Variants in RAPGEF5 observed in about 807,000 individuals in gnomAD.
RAPGEF5 encodes the protein M-Ras-regulated GEF.
Under a neutral mutation model 125.2 loss-of-function variants are expected in RAPGEF5, and 65 were observed. The ratio of observed to expected loss-of-function variants is 0.52; its 90% CI spans 0.43 to 0.64. The LOEUF (loss-of-function observed/expected upper bound fraction) is 0.64, where lower values mean the gene tolerates loss of function less well. Ranked by LOEUF, RAPGEF5 falls within the 30% of genes least tolerant of loss-of-function variation. RAPGEF5 has a pLI of 0.00. For synonymous variants in RAPGEF5, 391 were observed against 385.9 expected (o/e 1.01, Z -0.16); for missense variants, 958 against 1,048.1 (o/e 0.91, Z 1.19).
At chr7:22,229,388 C>A (rs1176703028) in intron 8 of RAPGEF5, among the ~76,000 whole-genome samples, 2 of 152,156 alleles carry the variant, frequency 1.3e-5, no homozygotes, top group African/African-American at 4.8e-5. Context: ...CATATTTCAT[C>A]ATCTATGCGG....
chr7:22,273,305 G>A (rs1314010915), intron 6 of RAPGEF5, among the ~76,000 whole-genome samples: 2 of 133,954 alleles, frequency 1.5e-5, no homozygotes, highest in South Asian at 2.6e-4. Context: ...TGCAAGCTCC[G>A]CCTCCCGGGT....
At chr7:22,317,927 T>C (rs772453030) in intron 2 of RAPGEF5, 60 bp downstream of exon 2, 3 of 1,540,654 alleles carry the variant, frequency 1.9e-6, no homozygotes, top group East Asian at 2.4e-5. Flanking sequence ...TTGATAATTG[T>C]ACATCAGAAT....
intron 11 of RAPGEF5, among the ~76,000 whole-genome samples, chr7:22,168,331 C>T (rs1443963490): frequency 6.6e-6 from 1 of 152,188 alleles, no homozygotes; most frequent in Non-Finnish European, 1.5e-5. Context: ...GAGACTGTGG[C>T]CTATGAACCA....
intron 18 of RAPGEF5, among the ~76,000 whole-genome samples, chr7:22,147,950 G>A (rs1031476853): frequency 6.6e-6 from 1 of 152,156 alleles, no homozygotes; most frequent in Admixed American, 6.5e-5. Flanking sequence ...GTTTTACATT[G>A]ATGAAAACGT....
At chr7:22,288,982 G>C (rs565452743) in intron 6 of RAPGEF5, among the ~76,000 whole-genome samples, 2 of 151,904 alleles carry the variant, frequency 1.3e-5, no homozygotes, top group Non-Finnish European at 2.9e-5. Flanking sequence ...TTTTTTCATT[G>C]TACTTTCTCA....
chr7:22,263,495 A>T (rs1782206956), intron 7 of RAPGEF5, among the ~76,000 whole-genome samples: 1 of 152,116 alleles, frequency 6.6e-6, no homozygotes, highest in Non-Finnish European at 1.5e-5. Context: ...TTTGGGAGAC[A>T]GAGACGGGTG....
chr7:22,345,480 G>A (rs1003646382), intron 1 of RAPGEF5, among the ~76,000 whole-genome samples: 5 of 152,022 alleles, frequency 3.3e-5, no homozygotes, highest in East Asian at 1.9e-4. Flanking sequence ...CGGTGAGGCC[G>A]CAGCATATAG....
chr7:22,213,846 G>A (rs1396576187), intron 9 of RAPGEF5, among the ~76,000 whole-genome samples: 1 of 152,128 alleles, frequency 6.6e-6, no homozygotes, highest in Non-Finnish European at 1.5e-5. Context: ...TTCAAATAAT[G>A]CTGGGATTGC....
At chr7:22,221,600 T>C (rs1369875959) in intron 8 of RAPGEF5, among the ~76,000 whole-genome samples, 1 of 152,202 alleles carries the variant, frequency 6.6e-6, no homozygotes, top group African/African-American at 2.4e-5. Context: ...TTTCCGGTGC[T>C]ATTCTCGTAG....
intron 2 of RAPGEF5, among the ~76,000 whole-genome samples, chr7:22,316,238 G>A (rs1423142283): frequency 2.6e-5 from 4 of 151,618 alleles, no homozygotes; most frequent in Non-Finnish European, 5.9e-5. Flanking sequence ...AGCAAAGGGG[G>A]CTAAATGAAA....
At chr7:22,345,798 A>G (rs4337997) in intron 1 of RAPGEF5, among the ~76,000 whole-genome samples, 25,616 of 151,104 alleles carry the variant, frequency 0.17, 2,369 homozygotes, top group Non-Finnish European at 0.21. Context: ...ACCTGGTAAG[A>G]TCTCTGACAG....
intron 1 of RAPGEF5, among the ~76,000 whole-genome samples, chr7:22,341,296 C>A (rs1253614048): frequency 2.0e-5 from 3 of 152,156 alleles, no homozygotes; most frequent in Admixed American, 6.5e-5. Context: ...ATCATGAGAA[C>A]AGCACAGGAA....
chr7:22,289,244 C>T (rs184056303), intron 6 of RAPGEF5, among the ~76,000 whole-genome samples: 1 of 152,334 alleles, frequency 6.6e-6, no homozygotes, highest in Admixed American at 6.5e-5. Flanking sequence ...CCAAATCATA[C>T]ATGTCTTTAT....
At chr7:22,187,757 G>A (rs899292570) in intron 11 of RAPGEF5, among the ~76,000 whole-genome samples, 11 of 152,152 alleles carry the variant, frequency 7.2e-5, no homozygotes, top group African/African-American at 2.7e-4. Context: ...CCTGTCAGAG[G>A]GGTTGTAAAG....
At chr7:22,330,656 C>G (rs909556949) in intron 1 of RAPGEF5, among the ~76,000 whole-genome samples, 1 of 152,162 alleles carries the variant, frequency 6.6e-6, no homozygotes, top group Admixed American at 6.5e-5. Context: ...CTGAAGAAAA[C>G]AATTCAGAAA....
chr7:22,149,184 T>A (rs1027047297), intron 18 of RAPGEF5, among the ~76,000 whole-genome samples: 2 of 152,234 alleles, frequency 1.3e-5, no homozygotes, highest in African/African-American at 4.8e-5. Context: ...TGTAAATTAC[T>A]CAGCACATAC....
Position 22,356,910 on chromosome 7 carries a change from G to T in RAPGEF5, c.151C>A (p.Arg51=). ...GCGGGCAGGTCCCTCAGCCGCGGCC[G>T]CAGCGACGCCGGCGGCTGCTCGCGC... The part of the protein sequence containing the change: ...PEREQPPASL[R]PRLRDLPALL... The change falls in exon 1 of 26, where the codon CGG becomes AGG. Residue 51 remains arginine, a synonymous_variant. Transcript: ENST00000665637. 7.2e-6 allele frequency: 8 copies of T among 1,108,568 alleles called. No individual in the cohort carries two copies. Among genetic ancestry groups the T allele is most frequent in the Non-Finnish European group, 8.8e-6 (8 of 910,504 alleles). 68.7% of individuals were successfully genotyped at this position (1,108,568 alleles called of 1,614,324 possible). A position where few individuals can be genotyped will look rare whatever the true frequency, so the allele number is the denominator to read the frequency against.
intron 23 of RAPGEF5, among the ~76,000 whole-genome samples, chr7:22,135,617 A>G (rs17507): frequency 0.32 from 48,484 of 152,054 alleles, 8,713 homozygotes; most frequent in Non-Finnish European, 0.39. Context: ...GGTACTTCTC[A>G]TACAACAGCA....
rs749662509 is a variant in RAPGEF5 at position 22,193,455 on chromosome 7, T to A, written c.1116A>T (p.Arg372Ser). The A allele has an allele frequency of 7.6e-6, 12 of 1,587,010 alleles. No individual in the cohort carries two copies. The Middle Eastern group carries it at 5.0e-4, about 66-fold the overall frequency. ...CCGGGGTCCCGGACACCACCACATATCTGTCAGAGAGCAGAGAGTCCACTG... is the reference window on the plus strand; with the variant it reads ...CCGGGGTCCCGGACACCACCACATAACTGTCAGAGAGCAGAGAGTCCACTG... The part of the protein sequence containing the change: ...PTAGSAESHW[R>S]YVVVSGTPEK... The change falls in exon 11 of 26, where the codon AGA becomes AGT. Residue 372 changes from arginine to serine, a missense_variant and splice_region_variant. Coordinates refer to ENST00000665637, the MANE Select transcript of RAPGEF5 (RefSeq NM_012294.5).
Sources: gnomAD v4.1 joint callset for allele counts (sites outside exome capture counted in the v4.1 genomes callset) on GRCh38, gnomAD v4.1.1 for gene constraint, MANE v1.5 for transcripts, NCBI Gene and HGNC (gene_info 2026-07-23, HGNC 2026-07-21) for gene names.